Variants in AGAP1 observed in about 807,000 individuals in gnomAD.
AGAP1 encodes the protein arf-GAP with GTPase, ANK repeat and PH domain-containing protein 1.
AGAP1 carries 29 observed loss-of-function variants against 105.3 expected under a neutral mutation model. The observed-to-expected ratio is 0.28, with a 90% CI of 0.21 to 0.38. The LOEUF is 0.38. Among genes scored for constraint, AGAP1 ranks in the 10% least tolerant of loss-of-function variants. The probability of loss-of-function intolerance (pLI) is 1.00; values close to 1 mark genes in which losing one functional copy is unlikely to be tolerated. For missense variants in AGAP1, 998 were observed against 1,165.1 expected (o/e 0.86, Z 2.09); for synonymous variants, 509 against 485.9 (o/e 1.05, Z -0.63).
At position 236,104,509 on chromosome 2, in the gene AGAP1, G is replaced by A. The variant is rs76459674; in HGVS notation, c.2115-15683G>A. On this transcript the variant is annotated intron_variant, in intron 16 of 17. Transcript: ENST00000304032. This position sits in a 1 kb window ranked among gnomAD's most constrained non-coding sequence, Gnocchi z 4.7. ...CCTTCTCAGATTCCTTGGGGGCACA[G>A]GGCTGTGAGGGTCAGGACCACCATC... 0.016 allele frequency among the ~76,000 whole-genome samples: 2,440 copies of A among 152,360 alleles called. 63 individuals are homozygous for A. The highest frequency in any genetic ancestry group is 0.055 in the African/African-American group (2,282 of 41,592).
chr2:235,667,913 G>A (rs972458676), intron 1 of AGAP1, among the ~76,000 whole-genome samples: 10 of 142,994 alleles, frequency 7.0e-5, no homozygotes, highest in Non-Finnish European at 1.2e-4. Context: ...AGCCGAGATC[G>A]TGCCATTGAG....
rs903304301 is a variant in AGAP1 at position 236,053,103 on chromosome 2, G to C, written c.2114+3822G>C. On this transcript the variant is annotated intron_variant, in intron 16 of 17. Transcript: ENST00000304032. The surrounding 1 kb of genome is among the most constrained non-coding windows in gnomAD (Gnocchi z 4.6). ...AGGGCGTCGAGCAGCTGGGCCGGGG[G>C]CCACCAGCCAGGCGGGGCTCTGGGT... Among the ~76,000 whole-genome samples, 2 of 152,204 alleles carry C rather than the reference G, an allele frequency of 1.3e-5. No homozygotes were observed. The highest frequency in any genetic ancestry group is 2.4e-5 in the African/African-American group (1 of 41,452).
chr2:236,082,629 TTTGGGAGG>T lies in AGAP1; in HGVS notation c.2114+33349_2114+33356del, dbSNP rs1338051940. Among the ~76,000 whole-genome samples the T allele has an allele frequency of 6.6e-6, 1 of 152,188 alleles. No individual in the cohort carries two copies. Among genetic ancestry groups the T allele is most frequent in the African/African-American group, 2.4e-5 (1 of 41,450 alleles). On this transcript the variant is annotated intron_variant, in intron 16 of 17. Coordinates refer to ENST00000304032, the MANE Select transcript of AGAP1 (RefSeq NM_001037131.3). This position sits in a 1 kb window ranked among gnomAD's most constrained non-coding sequence, Gnocchi z 4.2. ...CGGCTCACGCCTGTAATCCCAACAC[TTTGGGAGG>T]CCAAGACGGGTGGATCACCTGAGGC...
intron 1 of AGAP1, among the ~76,000 whole-genome samples, chr2:235,510,625 G>C (rs1207603308): frequency 6.6e-6 from 1 of 152,156 alleles, no homozygotes; most frequent in Admixed American, 6.5e-5. Flanking sequence ...ACTGCCTGCT[G>C]TTTTCCAAAT....
rs1317007255 is a variant in AGAP1, at chr2:235,857,537, G to T, written c.1051-25808G>T. On this transcript the variant is annotated intron_variant, in intron 9 of 17. Transcript: ENST00000304032. ...TGTCCGTTGAGCAGCTTCCCACCCT[G>T]ATTGCAGCTGTTCCTTTTTAAACAG... is the stretch of plus-strand genomic sequence containing the variant. 2.6e-5 allele frequency among the ~76,000 whole-genome samples: 4 copies of T among 152,174 alleles called. No individual in the cohort carries two copies. The East Asian group carries it at 7.7e-4, about 29-fold the overall frequency.
chr2:235,829,437 T>A (rs1260760198), intron 9 of AGAP1, among the ~76,000 whole-genome samples: 1 of 152,222 alleles, frequency 6.6e-6, no homozygotes, highest in Non-Finnish European at 1.5e-5. Flanking sequence ...CTAACTTTCC[T>A]AAGAACCCTG....
At position 235,993,353 on chromosome 2, in the gene AGAP1, G is replaced by T. The variant is rs1333942810; in HGVS notation, c.1645+24730G>T. Among the ~76,000 whole-genome samples the T allele has an allele frequency of 6.6e-6, 1 of 152,212 alleles. No individual in the cohort carries two copies. The highest frequency in any genetic ancestry group is 1.5e-5 in the Non-Finnish European group (1 of 68,048). ...GGGTTAGCCTTGTCCCTTCGACTAGGCTGGAAGCCCAAGAAGGCAGGAGAC... is the reference window on the plus strand; with the variant it reads ...GGGTTAGCCTTGTCCCTTCGACTAGTCTGGAAGCCCAAGAAGGCAGGAGAC... On this transcript the variant is annotated intron_variant, in intron 13 of 17. Transcript: ENST00000304032. The surrounding 1 kb of genome is among the most constrained non-coding windows in gnomAD (Gnocchi z 5.0).
chr2:235,505,081 G>C (rs748836795), intron 1 of AGAP1, among the ~76,000 whole-genome samples: 2 of 152,174 alleles, frequency 1.3e-5, no homozygotes, highest in African/African-American at 2.4e-5. Flanking sequence ...ATCCATCCCT[G>C]TGCTGGGTTT....
In AGAP1 at chr2:235,904,955, T is replaced by A. The variant is rs2051233562; in HGVS notation, c.1156-3783T>A. Among the ~76,000 whole-genome samples, 1 of 152,204 alleles carries A rather than the reference T, an allele frequency of 6.6e-6. No individual in the cohort carries two copies. The highest frequency in any genetic ancestry group is 2.4e-5 in the African/African-American group (1 of 41,446). ...CTTGAAATATAAGAATTGGCTATTT[T>A]AAATACCGATTTTATTTATTTTTTT... On this transcript the variant is annotated intron_variant, in intron 10 of 17. Coordinates refer to ENST00000304032, the MANE Select transcript of AGAP1 (RefSeq NM_001037131.3). This position sits in a 1 kb window ranked among gnomAD's most constrained non-coding sequence, Gnocchi z 4.2.
At chr2:236,088,514 T>C (rs890037456) in intron 16 of AGAP1, among the ~76,000 whole-genome samples, 4 of 152,208 alleles carry the variant, frequency 2.6e-5, no homozygotes, top group Non-Finnish European at 5.9e-5. Flanking sequence ...GGGTGATAGC[T>C]ATTACATGAA....
At chr2:235,685,455 T>C (rs1369204691) in intron 1 of AGAP1, among the ~76,000 whole-genome samples, 1 of 151,062 alleles carries the variant, frequency 6.6e-6, no homozygotes, top group Non-Finnish European at 1.5e-5. Flanking sequence ...CACCTCGATA[T>C]CCTTTTCTGC....
intron 6 of AGAP1, chr2:235,783,357 C>T (rs745755802): frequency 2.1e-6 from 1 of 471,300 alleles, no homozygotes; most frequent in Non-Finnish European, 4.4e-6. Flanking sequence ...GTTCTAAAAG[C>T]TCTTTGTTCC....
intron 12 of AGAP1, among the ~76,000 whole-genome samples, chr2:235,946,380 G>C (rs183406803): frequency 7.5e-4 from 113 of 150,070 alleles, no homozygotes; most frequent in African/African-American, 2.6e-3. Flanking sequence ...CTTCCTCCCA[G>C]GTTCAAGCAA....
chr2:235,592,814 G>T (rs553179521), intron 1 of AGAP1, among the ~76,000 whole-genome samples: 2 of 152,298 alleles, frequency 1.3e-5, no homozygotes, highest in African/African-American at 4.8e-5. Context: ...CGGGGTGGCT[G>T]CTCGTCTGGA....
At chr2:235,512,813 T>G (rs913076109) in intron 1 of AGAP1, among the ~76,000 whole-genome samples, 3 of 152,218 alleles carry the variant, frequency 2.0e-5, no homozygotes, top group Non-Finnish European at 4.4e-5. Flanking sequence ...CCAGAGAATC[T>G]GCCCTTTGCC....
Position 236,124,274 on chromosome 2 carries a change from A to C in AGAP1, c.*152A>C. ...GCCCACCCACTCTCACCCCAAACAA[A>C]ATCACAAAACCTGGACATCCCTCAA... On this transcript the variant is annotated 3_prime_UTR_variant, in exon 18 of 18. Coordinates refer to ENST00000304032, the MANE Select transcript of AGAP1 (RefSeq NM_001037131.3). This position sits in a 1 kb window ranked among gnomAD's most constrained non-coding sequence, Gnocchi z 5.1. 1.3e-5 allele frequency: 11 copies of C among 876,668 alleles called. No individual in the cohort carries two copies. Among genetic ancestry groups the C allele is most frequent in the Non-Finnish European group, 1.6e-5 (9 of 579,654 alleles). 54.3% of individuals were successfully genotyped at this position (876,668 alleles called of 1,614,324 possible). A position where few individuals can be genotyped will look rare whatever the true frequency, so the allele number is the denominator to read the frequency against.
In AGAP1 at chr2:236,046,052, G is replaced by C. The variant is rs1022875844; in HGVS notation, c.1892-3007G>C. 1 of 470,812 alleles carries C rather than the reference G, an allele frequency of 2.1e-6. No individual in the cohort carries two copies. Among genetic ancestry groups the C allele is most frequent in the South Asian group, 1.6e-5 (1 of 64,502 alleles). 29.2% of individuals were successfully genotyped at this position (470,812 alleles called of 1,614,324 possible). A position where few individuals can be genotyped will look rare whatever the true frequency, so the allele number is the denominator to read the frequency against. On this transcript the variant is annotated intron_variant, in intron 15 of 17. Transcript: ENST00000304032. This position sits in a 1 kb window ranked among gnomAD's most constrained non-coding sequence, Gnocchi z 5.2. ...GGGAGGTAGGAGGGGGTGCACCACGGTCTGAACGAGGGGCCAGCATGAGTG... is the reference window on the plus strand; with the variant it reads ...GGGAGGTAGGAGGGGGTGCACCACGCTCTGAACGAGGGGCCAGCATGAGTG...
In AGAP1 at chr2:235,494,306, G is replaced by C. The variant is rs1318949366; in HGVS notation, c.-381G>C. The C allele has an allele frequency of 6.9e-6, 1 of 144,100 alleles. No individual in the cohort carries two copies. Among genetic ancestry groups the C allele is most frequent in the Non-Finnish European group, 1.5e-5 (1 of 65,058 alleles). 8.9% of individuals were successfully genotyped at this position (144,100 alleles called of 1,614,324 possible). On this transcript the variant is annotated 5_prime_UTR_variant, in exon 1 of 18. Coordinates refer to ENST00000304032, the MANE Select transcript of AGAP1 (RefSeq NM_001037131.3). ...CGCTCGGAGCGCGGCGGCTGCCTGGGCTTTAATGGCTGCTCCGCGGAGCAG... is the reference window on the plus strand; with the variant it reads ...CGCTCGGAGCGCGGCGGCTGCCTGGCCTTTAATGGCTGCTCCGCGGAGCAG...
chr2:236,033,242 T>G (rs1559210161), intron 13 of AGAP1, among the ~76,000 whole-genome samples: 1 of 152,022 alleles, frequency 6.6e-6, no homozygotes, highest in Non-Finnish European at 1.5e-5. Context: ...CGAAACTCTG[T>G]CTCAAAAAAT....
Sources: allele counts gnomAD v4.1 joint callset (sites outside exome capture counted in the v4.1 genomes callset), GRCh38; gene constraint gnomAD v4.1.1; non-coding constraint Gnocchi (gnomAD v3.1); transcripts MANE v1.5; gene names NCBI Gene and HGNC (gene_info 2026-07-23, HGNC 2026-07-21).